Variants in SEC23B observed in about 807,000 individuals in gnomAD.
The protein encoded by SEC23B is protein transport protein Sec23B.
SEC23B carries 77 observed loss-of-function variants against 104.3 expected under a neutral mutation model. The ratio of observed to expected loss-of-function variants is 0.74; its 90% CI spans 0.61 to 0.89. SEC23B has a LOEUF of 0.89. Among genes scored for constraint, SEC23B ranks in the 40% least tolerant of loss-of-function variants. SEC23B has a pLI of 0.00. For synonymous variants in SEC23B, 338 were observed against 332.5 expected (o/e 1.02, Z -0.18); for missense variants, 885 against 949.4 (o/e 0.93, Z 0.89).
At chr20:18,530,652 T>C (rs749042516) in intron 9 of SEC23B, 28 bp from the exon 10 acceptor site, 8 of 1,611,174 alleles carry the variant, frequency 5.0e-6, no homozygotes, top group Non-Finnish European at 6.8e-6. Context: ...CTTCCTAATA[T>C]TCACTTGATT....
chr20:18,557,657 A>T (rs1157852396), intron 19 of SEC23B, among the ~76,000 whole-genome samples: 1 of 152,028 alleles, frequency 6.6e-6, no homozygotes, highest in Admixed American at 6.6e-5. Flanking sequence ...TTAAAAGAAA[A>T]ACCTATTATA....
At chr20:18,524,292 T>A (rs2060113407) in intron 4 of SEC23B, 141 bp from the exon 5 acceptor site, 2 of 714,920 alleles carry the variant, frequency 2.8e-6, no homozygotes, top group Non-Finnish European at 5.1e-6. Flanking sequence ...ATTTAATAAG[T>A]TAGAGCTTTG....
intron 15 of SEC23B, among the ~76,000 whole-genome samples, 163 bp downstream of exon 15, chr20:18,546,196 ACC>A (rs1490941812): frequency 6.6e-6 from 1 of 152,166 alleles, no homozygotes. Flanking sequence ...GCAAGACAGC[ACC>A]CTACGCCCTA....
chr20:18,547,082 A>C (rs1266569189), intron 15 of SEC23B, among the ~76,000 whole-genome samples: 1 of 151,974 alleles, frequency 6.6e-6, no homozygotes, highest in Non-Finnish European at 1.5e-5. Context: ...GACTTGATGA[A>C]GACTCTAAGA....
chr20:18,543,592 G>A (rs1349095617), intron 14 of SEC23B, among the ~76,000 whole-genome samples: 3 of 152,202 alleles, frequency 2.0e-5, no homozygotes, highest in Non-Finnish European at 4.4e-5. Context: ...AATGGGGAAA[G>A]TCTTTTATAA....
chr20:18,531,637 C>T (rs1395090118), intron 10 of SEC23B, among the ~76,000 whole-genome samples: 4 of 114,894 alleles, frequency 3.5e-5, no homozygotes, highest in East Asian at 5.0e-4. Context: ...GCTGTGGCAA[C>T]GAGTGAAACT....
In SEC23B at chr20:18,535,877, G is replaced by A. The variant is rs541628721; in HGVS notation, c.1404+135G>A. The stretch of plus-strand genomic sequence containing the variant: ...TTGTATTAGGCCTGATGATAGTCTG[G>A]CATGACCTTTTCTTATTTATTCCTT... On this transcript the variant is annotated intron_variant, in intron 12 of 19. Transcript: ENST00000650089. 4 of 727,100 alleles carry A rather than the reference G, an allele frequency of 5.5e-6. No individual in the cohort carries two copies. In the South Asian group the frequency reaches 6.2e-5, roughly 11 times the overall value. 45.0% of individuals were successfully genotyped at this position (727,100 alleles called of 1,614,324 possible).
In SEC23B at chr20:18,535,760, A is replaced by G; in HGVS notation, c.1404+18A>G. 6.4e-7 allele frequency: 1 copy of G among 1,571,776 alleles called. No individual in the cohort carries two copies. The highest frequency in any genetic ancestry group is 8.8e-7 in the Non-Finnish European group (1 of 1,141,330). On this transcript the variant is annotated intron_variant, in intron 12 of 19. Coordinates refer to ENST00000650089, the MANE Select transcript of SEC23B (RefSeq NM_006363.6). The stretch of plus-strand genomic sequence containing the variant: ...TCAATCAGGTGAGTTGGATTTCTTC[A>G]CATGTCTTCATGTCTTAGTGTCCTG...
chr20:18,547,780 G>T (rs4814762), intron 15 of SEC23B, among the ~76,000 whole-genome samples: 1 of 151,754 alleles, frequency 6.6e-6, no homozygotes, highest in African/African-American at 2.4e-5. Context: ...CTCGTAGCCC[G>T]AGTGTGCCTT....
rs757027261 is a variant in SEC23B, at chr20:18,551,183, G to T, written c.1992+8G>T. 1 of 1,427,278 alleles carries T rather than the reference G, an allele frequency of 7.0e-7. No individual in the cohort carries two copies. Among genetic ancestry groups the T allele is most frequent in the Non-Finnish European group, 9.8e-7 (1 of 1,018,484 alleles). The allele number at this position is 1,427,278 out of a possible 1,614,324, so 88.4% of individuals were successfully genotyped here. A position where few individuals can be genotyped will look rare whatever the true frequency, so the allele number is the denominator to read the frequency against. ...GTCATTTATCTTGGTGAGGTAAGAT[G>T]ATATTATTAATTAATTAATTTCTTT... is the stretch of plus-strand genomic sequence containing the variant. On this transcript the variant is annotated splice_region_variant and intron_variant, in intron 17 of 19. Coordinates refer to ENST00000650089, the MANE Select transcript of SEC23B (RefSeq NM_006363.6).
chr20:18,551,066 T>C (rs376582485), intron 16 of SEC23B, 23 bp from the exon 17 acceptor site: 49 of 1,533,158 alleles, frequency 3.2e-5, no homozygotes, highest in Non-Finnish European at 4.2e-5. Context: ...ACCAATGCCA[T>C]CTTTCTCTCT....
intron 11 of SEC23B, among the ~76,000 whole-genome samples, chr20:18,533,134 G>A (rs576321662): frequency 6.6e-6 from 1 of 152,332 alleles, no homozygotes; most frequent in South Asian, 2.1e-4. Flanking sequence ...GAGGTGATAC[G>A]TTTGTCTCAC....
chr20:18,529,450 TTG>T (rs1460715102), intron 9 of SEC23B, among the ~76,000 whole-genome samples: 1 of 152,016 alleles, frequency 6.6e-6, no homozygotes, highest in African/African-American at 2.4e-5. Context: ...AGTATTAGAG[TTG>T]TGTGAATGTC....
chr20:18,507,949 G>C lies in SEC23B; in HGVS notation c.-38G>C, dbSNP rs1282232962. 1 of 152,766 alleles carries C rather than the reference G, an allele frequency of 6.5e-6. No individual in the cohort carries two copies. Among genetic ancestry groups the C allele is most frequent in the East Asian group, 1.9e-4 (1 of 5,218 alleles). 9.5% of individuals were successfully genotyped at this position (152,766 alleles called of 1,614,324 possible). On this transcript the variant is annotated 5_prime_UTR_variant, in exon 1 of 20. Coordinates refer to ENST00000650089, the MANE Select transcript of SEC23B (RefSeq NM_006363.6). ...GAGCCGGAGCCTGCTTGTTGCAGCT[G>C]TGGGTGAGGACGGCTCTAGCTAGGT...
intron 4 of SEC23B, among the ~76,000 whole-genome samples, chr20:18,520,789 G>C (rs117218293): frequency 6.6e-6 from 1 of 151,956 alleles, no homozygotes; most frequent in Non-Finnish European, 1.5e-5. Flanking sequence ...ACTCTCCACT[G>C]TAAGAGTTAC....
At position 18,543,431 on chromosome 20, in the gene SEC23B, A is replaced by T. The variant is rs953115315; in HGVS notation, c.1665+259A>T. 2.6e-5 allele frequency among the ~76,000 whole-genome samples: 4 copies of T among 152,198 alleles called. No homozygotes were observed. The East Asian group carries it at 7.7e-4, about 29-fold the overall frequency. On this transcript the variant is annotated intron_variant, in intron 14 of 19. Coordinates refer to ENST00000650089, the MANE Select transcript of SEC23B (RefSeq NM_006363.6). ...AAATCTGTGTGGGTTGAGTTGACTT[A>T]GATGAGTCATTTTGTGAATGCTCTG... is the stretch of plus-strand genomic sequence containing the variant.
At chr20:18,519,775 G>C (rs1226790614) in intron 4 of SEC23B, among the ~76,000 whole-genome samples, 2 of 152,168 alleles carry the variant, frequency 1.3e-5, no homozygotes, top group Admixed American at 1.3e-4. Context: ...GGTATCCAAA[G>C]GCAGAAGTAC....
intron 11 of SEC23B, among the ~76,000 whole-genome samples, chr20:18,533,937 C>T (rs1333584640): frequency 6.6e-6 from 1 of 152,168 alleles, no homozygotes; most frequent in Admixed American, 6.5e-5. Flanking sequence ...TTAGTACAAA[C>T]TAATTAATAT....
Position 18,521,344 on chromosome 20 carries a change from C to T in SEC23B, c.367-3089C>T, listed in dbSNP as rs538670672. On this transcript the variant is annotated intron_variant, in intron 4 of 19. Transcript: ENST00000650089. ...AATAAAATGCATATTGAGAATAAGA[C>T]GGCCTTCCTCTGGGGGCCTTCCTCT... is the stretch of plus-strand genomic sequence containing the variant. Among the ~76,000 whole-genome samples the T allele has an allele frequency of 5.3e-5, 8 of 152,212 alleles. No individual in the cohort carries two copies. The South Asian group carries it at 1.0e-3, about 20-fold the overall frequency.
Sources: gnomAD v4.1 joint callset for allele counts (sites outside exome capture counted in the v4.1 genomes callset) on GRCh38, gnomAD v4.1.1 for gene constraint, MANE v1.5 for transcripts, NCBI Gene and HGNC (gene_info 2026-07-23, HGNC 2026-07-21) for gene names.